The following STK32C variants were observed in gnomAD, a reference collection of about 807,000 sequenced individuals.
STK32C encodes the protein serine/threonine-protein kinase 32C.
Under a neutral mutation model 56.5 loss-of-function variants are expected in STK32C, and 31 were observed. The ratio of observed to expected loss-of-function variants is 0.55; its 90% CI spans 0.41 to 0.74. The LOEUF is 0.74. STK32C is among the 30% of genes least tolerant of loss of function. The pLI, the probability that STK32C is intolerant of heterozygous loss-of-function variation, is 0.00. For missense variants in STK32C, 544 were observed against 676.9 expected, an observed-to-expected ratio of 0.80 and a Z score of 2.18; for synonymous variants, 309 against 289.4, an observed-to-expected ratio of 1.07 and a Z score of -0.69.
rs191363366 is a variant in STK32C at position 132,240,603 on chromosome 10, G to A, written c.318+5297C>T. Among the ~76,000 whole-genome samples, 136 of 152,326 alleles carry A rather than the reference G, an allele frequency of 8.9e-4. 1 individual carries two copies. Among genetic ancestry groups the A allele is most frequent in the African/African-American group, 3.2e-3 (131 of 41,568 alleles). On this transcript the variant is annotated intron_variant, in intron 2 of 11. Coordinates refer to ENST00000298630, the MANE Select transcript of STK32C (RefSeq NM_173575.4). ...CACTGCAAGGACAGGCGGTTCCTCG[G>A]GGTGGGTGGGGGCTGTGGTGAAGGC...
intron 3 of STK32C, among the ~76,000 whole-genome samples, chr10:132,227,586 A>G (rs914719857): frequency 6.7e-6 from 1 of 150,072 alleles, no homozygotes; most frequent in Non-Finnish European, 1.5e-5. Context: ...TGATGGTTGC[A>G]GTGGTGATGG....
chr10:132,296,390 G>A (rs1396069063), intron 1 of STK32C, among the ~76,000 whole-genome samples: 1 of 152,050 alleles, frequency 6.6e-6, no homozygotes, highest in South Asian at 2.1e-4. Context: ...ATGGATACGG[G>A]TCCTCTAGTT....
intron 1 of STK32C, among the ~76,000 whole-genome samples, chr10:132,305,901 T>C (rs1264845511): frequency 6.6e-6 from 1 of 152,140 alleles, no homozygotes; most frequent in Non-Finnish European, 1.5e-5. Context: ...TGTGGCTGCA[T>C]ACCAAGCCAT....
intron 1 of STK32C, among the ~76,000 whole-genome samples, chr10:132,264,434 G>C (rs138151710): frequency 6.6e-6 from 1 of 152,186 alleles, no homozygotes; most frequent in Non-Finnish European, 1.5e-5. Context: ...TTAGGTGGGC[G>C]GGACGCACAG....
intron 1 of STK32C, among the ~76,000 whole-genome samples, chr10:132,264,162 G>A (rs2064412298): frequency 6.6e-6 from 1 of 152,206 alleles, no homozygotes; most frequent in South Asian, 2.1e-4. Context: ...TAGAGGTGGT[G>A]TGAAGAGTAT....
At chr10:132,211,226 G>A (rs1000088634) in intron 10 of STK32C, among the ~76,000 whole-genome samples, 2 of 152,156 alleles carry the variant, frequency 1.3e-5, no homozygotes, top group African/African-American at 4.8e-5. Context: ...AACTCGGGCC[G>A]GCCTGAGAAG....
chr10:132,216,899 G>C (rs990115408), intron 10 of STK32C, among the ~76,000 whole-genome samples: 2 of 152,248 alleles, frequency 1.3e-5, no homozygotes, highest in East Asian at 1.9e-4. Flanking sequence ...TGGATGTCCA[G>C]GCAGAAGTTT....
At chr10:132,240,296 C>T (rs955729859) in intron 2 of STK32C, among the ~76,000 whole-genome samples, 1 of 152,248 alleles carries the variant, frequency 6.6e-6, no homozygotes, top group Non-Finnish European at 1.5e-5. Flanking sequence ...ACCAGCTCCT[C>T]CCGGCGTGGA....
At chr10:132,331,752 C>G in exon 1 of STK32C, 1 of 1,611,252 alleles carries the variant, frequency 6.2e-7, no homozygotes, top group Non-Finnish European at 8.5e-7. Flanking sequence ...TCTCTTCCTT[C>G]CCCTCTGTGC....
At position 132,307,386 on chromosome 10, in the gene STK32C, G is replaced by A. The variant is rs986030695; in HGVS notation, c.262+186C>T. Among the ~76,000 whole-genome samples, 111 of 152,070 alleles carry A rather than the reference G, an allele frequency of 7.3e-4. 1 individual carries two copies. Among genetic ancestry groups the A allele is most frequent in the Admixed American group, 1.2e-3 (18 of 15,292 alleles). The stretch of plus-strand genomic sequence containing the variant: ...CTGCGGCGCCGCCACTAGAAACGGA[G>A]GACGCGGGCGGGCGCCCAGAACTCG... On this transcript the variant is annotated intron_variant, in intron 1 of 11. Transcript: ENST00000298630. This position sits in a 1 kb window ranked among gnomAD's most constrained non-coding sequence, Gnocchi z 4.4.
At chr10:132,318,946 T>C (rs2066355484) in intron 1 of STK32C, among the ~76,000 whole-genome samples, 1 of 152,088 alleles carries the variant, frequency 6.6e-6, no homozygotes, top group Non-Finnish European at 1.5e-5. Context: ...ATGCAGCTAC[T>C]TTGTTTTTTG....
chr10:132,223,110 A>G, intron 8 of STK32C, 124 bp from the exon 9 acceptor site: 2 of 1,288,366 alleles, frequency 1.6e-6, no homozygotes, highest in South Asian at 1.5e-5. Flanking sequence ...GAATTCAGGA[A>G]CCTCAGGGCC....
chr10:132,327,873 C>A (rs1370569495), intron 1 of STK32C, among the ~76,000 whole-genome samples: 3 of 152,138 alleles, frequency 2.0e-5, no homozygotes, highest in East Asian at 1.9e-4. Flanking sequence ...AGGACCCAGA[C>A]TTTGGGCCTG....
At chr10:132,314,995 G>A (rs773573090) in intron 1 of STK32C, among the ~76,000 whole-genome samples, 3 of 152,102 alleles carry the variant, frequency 2.0e-5, no homozygotes, top group Non-Finnish European at 2.9e-5. Context: ...TTAGCCAGGC[G>A]TGGTGGCGCA....
intron 1 of STK32C, among the ~76,000 whole-genome samples, chr10:132,317,593 T>G (rs907576683): frequency 6.6e-6 from 1 of 151,854 alleles, no homozygotes; most frequent in African/African-American, 2.4e-5. Flanking sequence ...AAAATTCACA[T>G]GGTGTGGTGG....
chr10:132,302,231 C>A (rs972877829), intron 1 of STK32C, among the ~76,000 whole-genome samples: 2 of 152,250 alleles, frequency 1.3e-5, no homozygotes, highest in Non-Finnish European at 2.9e-5. Context: ...TCCAAGGCAT[C>A]CTCGCATTAC....
At chr10:132,329,266 T>G (rs919303432) in intron 1 of STK32C, among the ~76,000 whole-genome samples, 2 of 152,050 alleles carry the variant, frequency 1.3e-5, no homozygotes, top group Non-Finnish European at 2.9e-5. Context: ...ATACAAAAAT[T>G]AGCCCAGTGT....
Position 132,287,834 on chromosome 10 carries a change from G to A in STK32C, c.262+19738C>T, listed in dbSNP as rs762628499. Among the ~76,000 whole-genome samples, 26 of 152,230 alleles carry A rather than the reference G, an allele frequency of 1.7e-4. 1 individual carries two copies. Among genetic ancestry groups the A allele is most frequent in the Middle Eastern group, 6.8e-3 (2 of 294 alleles). ...GCAATCCCAATGAGTCTCTCCTCCAGAAGAGTACAAATAATACTAATGAGT... is the reference window on the plus strand; with the variant it reads ...GCAATCCCAATGAGTCTCTCCTCCAAAAGAGTACAAATAATACTAATGAGT... On this transcript the variant is annotated intron_variant, in intron 1 of 11. Transcript: ENST00000298630.
At chr10:132,223,867 G>C (rs770021874) in intron 8 of STK32C, among the ~76,000 whole-genome samples, 2 of 152,206 alleles carry the variant, frequency 1.3e-5, no homozygotes, top group Non-Finnish European at 2.9e-5. Context: ...TCAAGGCACA[G>C]CCCCAGCCTA....
Sources: allele counts gnomAD v4.1 joint callset (sites outside exome capture counted in the v4.1 genomes callset), GRCh38; gene constraint gnomAD v4.1.1; non-coding constraint Gnocchi (gnomAD v3.1); transcripts MANE v1.5; gene names NCBI Gene and HGNC (gene_info 2026-07-23, HGNC 2026-07-21).